ALG10: variants seen among roughly 807,000 people sequenced by gnomAD.
The protein encoded by ALG10 is ALG10 alpha-1,2-glucosyltransferase.
In ALG10, 25 loss-of-function variants were observed where a neutral mutation model predicts 39.2. The ratio of observed to expected loss-of-function variants is 0.64; its 90% CI spans 0.46 to 0.89. The LOEUF is 0.89. Among genes scored for constraint, ALG10 ranks in the 40% least tolerant of loss-of-function variants. ALG10 has a pLI of 0.00. For missense variants in ALG10, 486 were observed against 546.6 expected (o/e 0.89, Z 1.11); for synonymous variants, 184 against 193.9 (o/e 0.95, Z 0.42).
rs1942837841 is a variant in ALG10 at position 34,026,763 on chromosome 12, A to G, written c.1270A>G (p.Ile424Val). Residue 424 changes from isoleucine (I) to valine (V), a missense_variant, in exon 3 of 3, where the codon ATT becomes GTT. Ile to Val is a conservative substitution (Grantham distance 29, BLOSUM62 3). Coordinates refer to ENST00000266483, the MANE Select transcript of ALG10 (RefSeq NM_032834.4). The stretch of plus-strand genomic sequence containing the variant: ...TCGTTACTTCATTTTACCTTATGTC[A>G]TTTATAGGCTTAACATACCTCTGCC... The part of the protein sequence containing the change: ...EFRYFILPYV[I>V]YRLNIPLPPT... The G allele has an allele frequency of 2.5e-6, 4 of 1,613,794 alleles. No individual in the cohort carries two copies. Among genetic ancestry groups the G allele is most frequent in the Admixed American group, 1.7e-5 (1 of 59,976 alleles).
At chr12:34,025,776 T>C in intron 2 of ALG10, 87 bp from the exon 3 acceptor site, 1 of 1,523,874 alleles carries the variant, frequency 6.6e-7, no homozygotes, top group Non-Finnish European at 9.0e-7. Context: ...AGTTGAGTAG[T>C]TTTTAAATAA....
In ALG10 at chr12:34,022,612, G is replaced by A; in HGVS notation, c.13G>A (p.Glu5Lys). ...TGTGGGAGCTGGAATGGCGCAGCTG[G>A]AAGGTTACTATTTCTCGGCCGCCTT... The part of the protein sequence containing the change: MAQL[E>K]GYYFSAALSC... The change falls in exon 1 of 3, where the codon GAA (glutamate) becomes AAA (lysine). Residue 5 changes from glutamate to lysine, a missense_variant. Physicochemically the swap from Glu to Lys is moderately conservative, Grantham distance 56 (BLOSUM62 1). Transcript: ENST00000266483. 3 of 1,614,146 alleles carry A rather than the reference G, an allele frequency of 1.9e-6. No homozygotes were observed. Among genetic ancestry groups the A allele is most frequent in the South Asian group, 1.1e-5 (1 of 91,082 alleles).
rs779314093 is a variant in ALG10, at chr12:34,022,570, G to T, written c.-30G>T. On this transcript the variant is annotated 5_prime_UTR_variant, in exon 1 of 3. In the 5' UTR this introduces an upstream ATG that the reference lacks. Coordinates refer to ENST00000266483, the MANE Select transcript of ALG10 (RefSeq NM_032834.4). ...CCAGGCTCAGAATTTTCCAGGAGTAGGTTCTTGGGCAGTGGCTGTGGGAGC... is the reference window on the plus strand; with the variant it reads ...CCAGGCTCAGAATTTTCCAGGAGTATGTTCTTGGGCAGTGGCTGTGGGAGC... 7 of 1,613,868 alleles carry T rather than the reference G, an allele frequency of 4.3e-6. No homozygotes were observed. The African/African-American group carries it at 8.0e-5, about 18-fold the overall frequency.
In ALG10 at chr12:34,024,237, G is replaced by C. The variant is rs1942808784; in HGVS notation, c.369+78G>C. On this transcript the variant is annotated intron_variant, in intron 2 of 2. Coordinates refer to ENST00000266483, the MANE Select transcript of ALG10 (RefSeq NM_032834.4). ...ACAATGAATTAGTTTTATGAGATTT[G>C]GTGAAAAATGTCTTTAACACTTTGT... 4 of 1,526,098 alleles carry C rather than the reference G, an allele frequency of 2.6e-6. No individual in the cohort carries two copies. The African/African-American group carries it at 4.1e-5, about 16-fold the overall frequency. The allele number at this position is 1,526,098 out of a possible 1,614,324, so 94.5% of individuals were successfully genotyped here.
chr12:34,026,807 T>A lies in ALG10; in HGVS notation c.1314T>A (p.Ile438=). ...NIPLPPTSRL[I]CELSCYAVVN... ...CTCTGCCTCCCACATCCAGACTCATTTGTGAACTGAGCTGCTATGCAGTTG... is the reference window on the plus strand; with the variant it reads ...CTCTGCCTCCCACATCCAGACTCATATGTGAACTGAGCTGCTATGCAGTTG... Residue 438 remains isoleucine (I), a synonymous_variant, in exon 3 of 3, where the codon ATT becomes ATA. Coordinates refer to ENST00000266483, the MANE Select transcript of ALG10 (RefSeq NM_032834.4). The A allele has an allele frequency of 6.2e-7, 1 of 1,613,964 alleles. No individual in the cohort carries two copies. Among genetic ancestry groups the A allele is most frequent in the Non-Finnish European group, 8.5e-7 (1 of 1,179,870 alleles).
At chr12:34,022,951 T>G in intron 1 of ALG10, 181 bp downstream of exon 1, 1 of 848,106 alleles carries the variant, frequency 1.2e-6, no homozygotes, top group Non-Finnish European at 1.8e-6. Context: ...ATTAAATGAA[T>G]GAATAAACAG....
rs748976308 is a variant in ALG10, at chr12:34,026,325, G to A, written c.832G>A (p.Asp278Asn). The change falls in exon 3 of 3, where the codon GAT becomes AAT. Residue 278 changes from aspartate (D) to asparagine (N), a missense_variant. By Grantham distance (23) the Asp-to-Asn change is conservative (BLOSUM62 1). Coordinates refer to ENST00000266483, the MANE Select transcript of ALG10 (RefSeq NM_032834.4). ...AGTTAATGGTGGAATTGTTATTGGCGATCGGAGTAGTCATGAAGCCTGTCT... is the reference window on the plus strand; with the variant it reads ...AGTTAATGGTGGAATTGTTATTGGCAATCGGAGTAGTCATGAAGCCTGTCT... ...VVVNGGIVIGDRSSHEACLHF... is the reference protein window; with the variant it reads ...VVVNGGIVIGNRSSHEACLHF... 9 of 1,613,992 alleles carry A rather than the reference G, an allele frequency of 5.6e-6. No individual in the cohort carries two copies. Among genetic ancestry groups the A allele is most frequent in the South Asian group, 3.3e-5 (3 of 91,076 alleles).
chr12:34,025,436 C>G (rs946866743), intron 2 of ALG10, among the ~76,000 whole-genome samples: 5 of 152,090 alleles, frequency 3.3e-5, no homozygotes, highest in Non-Finnish European at 7.4e-5. Flanking sequence ...TGAAGGATTT[C>G]CTTAAAGGAA....
At position 34,026,464 on chromosome 12, in the gene ALG10, T is replaced by A; in HGVS notation, c.971T>A (p.Ile324Asn). 1.9e-6 allele frequency: 3 copies of A among 1,614,070 alleles called. No homozygotes were observed. Among genetic ancestry groups the A allele is most frequent in the Non-Finnish European group, 2.5e-6 (3 of 1,179,962 alleles). Residue 324 changes from isoleucine (I) to asparagine (N), a missense_variant, in exon 3 of 3, where the codon ATT (isoleucine) becomes AAT (asparagine). By Grantham distance (149) the Ile-to-Asn change is moderately radical. Transcript: ENST00000266483. ...TFLSLVWKRR[I>N]LFFVVTLVSV... ...CTTTCCTTAGTTTGGAAACGTAGAATTCTGTTTTTTGTGGTTACCTTAGTC... is the reference window on the plus strand; with the variant it reads ...CTTTCCTTAGTTTGGAAACGTAGAAATCTGTTTTTTGTGGTTACCTTAGTC...
chr12:34,022,504 C>T lies in ALG10; in HGVS notation c.-96C>T, dbSNP rs1942787529. ...TGTGGCCCCGTCTGGCTAGTCCCGCCTAGCGCGCCCATTTCGAGCCCAAGT... is the reference window on the plus strand; with the variant it reads ...TGTGGCCCCGTCTGGCTAGTCCCGCTTAGCGCGCCCATTTCGAGCCCAAGT... On this transcript the variant is annotated 5_prime_UTR_variant, in exon 1 of 3. Coordinates refer to ENST00000266483, the MANE Select transcript of ALG10 (RefSeq NM_032834.4). 6.9e-6 allele frequency: 11 copies of T among 1,602,006 alleles called. No individual in the cohort carries two copies. The highest frequency in any genetic ancestry group is 9.4e-6 in the Non-Finnish European group (11 of 1,171,408).
At position 34,027,587 on chromosome 12, in the gene ALG10, A is replaced by G. The variant is rs949751419; in HGVS notation, c.*672A>G. 6.6e-6 allele frequency: 1 copy of G among 152,466 alleles called. No individual in the cohort carries two copies. Among genetic ancestry groups the G allele is most frequent in the African/African-American group, 2.4e-5 (1 of 41,470 alleles). 9.4% of individuals were successfully genotyped at this position (152,466 alleles called of 1,614,324 possible). A position where few individuals can be genotyped will look rare whatever the true frequency, so the allele number is the denominator to read the frequency against. On this transcript the variant is annotated 3_prime_UTR_variant, in exon 3 of 3. Coordinates refer to ENST00000266483, the MANE Select transcript of ALG10 (RefSeq NM_032834.4). ...ACTAATTCCTAATATGAAATGTATG[A>G]TGGCCAAAGACAAATTGTATTGATT...
Position 34,024,331 on chromosome 12 carries a change from G to A in ALG10, c.369+172G>A, listed in dbSNP as rs1190477783. ...TCCATCTCCATTTTAGAATAAATTC[G>A]TATTTAAATACTTGAATAACTTATT... is the stretch of plus-strand genomic sequence containing the variant. On this transcript the variant is annotated intron_variant, in intron 2 of 2. Coordinates refer to ENST00000266483, the MANE Select transcript of ALG10 (RefSeq NM_032834.4). Among the ~76,000 whole-genome samples, 8 of 152,208 alleles carry A rather than the reference G, an allele frequency of 5.3e-5. No homozygotes were observed. The South Asian group carries it at 6.2e-4, about 12-fold the overall frequency.
Position 34,022,502 on chromosome 12 carries a change from G to C in ALG10, c.-98G>C. ...TATGTGGCCCCGTCTGGCTAGTCCC[G>C]CCTAGCGCGCCCATTTCGAGCCCAA... On this transcript the variant is annotated 5_prime_UTR_variant, in exon 1 of 3. Transcript: ENST00000266483. 1.3e-6 allele frequency: 2 copies of C among 1,599,062 alleles called. No homozygotes were observed. The highest frequency in any genetic ancestry group is 3.3e-5 in the Admixed American group (2 of 59,914).
intron 1 of ALG10, chr12:34,023,018 C>G (rs11053058): frequency 0.17 from 93,520 of 544,558 alleles, 8,690 homozygotes; most frequent in Non-Finnish European, 0.18. Flanking sequence ...GGAACTGAGC[C>G]CTCCTCTTGG....
chr12:34,023,807 G>A (rs3956390), intron 1 of ALG10, 155 bp from the exon 2 acceptor site: 10 of 1,043,518 alleles, frequency 9.6e-6, no homozygotes, highest in Non-Finnish European at 1.4e-5. Flanking sequence ...TAAGAAAAAC[G>A]AATCCTGTTC....
Position 34,022,694 on chromosome 12 carries a change from G to A in ALG10, c.95G>A (p.Arg32Gln). 1.2e-6 allele frequency: 2 copies of A among 1,614,062 alleles called. No homozygotes were observed. The highest frequency in any genetic ancestry group is 1.7e-6 in the Non-Finnish European group (2 of 1,179,998). Residue 32 changes from arginine (R) to glutamine (Q), a missense_variant, in exon 1 of 3, where the codon CGA becomes CAA. Physicochemically the swap from Arg to Gln is conservative, Grantham distance 43. Transcript: ENST00000266483. ...LLFSAFSRAL[R>Q]EPYMDEIFHL... ...TTCTCCGCCTTCAGCCGGGCGTTGC[G>A]AGAGCCCTACATGGACGAGATCTTC...
At chr12:34,024,608 G>A (rs73090021) in intron 2 of ALG10, among the ~76,000 whole-genome samples, 2,530 of 152,212 alleles carry the variant, frequency 0.017, 62 homozygotes, top group African/African-American at 0.052. Flanking sequence ...TTGTTACCAT[G>A]GACAGGTTAA....
At position 34,027,889 on chromosome 12, in the gene ALG10, T is replaced by C. The variant is rs538925484; in HGVS notation, c.*974T>C. On this transcript the variant is annotated 3_prime_UTR_variant, in exon 3 of 3. Transcript: ENST00000266483. The stretch of plus-strand genomic sequence containing the variant: ...CTTCTGGACAAATCTTGTCCAAGTA[T>C]TGCAGACAGCAATCTTCACTCCAGT... 9 of 152,318 alleles carry C rather than the reference T, an allele frequency of 5.9e-5. No individual in the cohort carries two copies. In the East Asian group the frequency reaches 9.7e-4, roughly 16 times the overall value. 9.4% of individuals were successfully genotyped at this position (152,318 alleles called of 1,614,324 possible). A position where few individuals can be genotyped will look rare whatever the true frequency, so the allele number is the denominator to read the frequency against.
rs909183686 is a variant in ALG10 at position 34,026,269 on chromosome 12, T to G, written c.776T>G (p.Leu259Arg). The part of the protein sequence containing the change: ...MLLLLTWPYI[L>R]LGFLFCAFVV... ...TTGCTTCTGACTTGGCCCTACATCCTTCTGGGATTTCTGTTTTGTGCTTTT... is the reference window on the plus strand; with the variant it reads ...TTGCTTCTGACTTGGCCCTACATCCGTCTGGGATTTCTGTTTTGTGCTTTT... Residue 259 changes from leucine (L) to arginine (R), a missense_variant, in exon 3 of 3, where the codon CTT becomes CGT. Physicochemically the swap from Leu to Arg is moderately radical, Grantham distance 102. Coordinates refer to ENST00000266483, the MANE Select transcript of ALG10 (RefSeq NM_032834.4). 6.2e-7 allele frequency: 1 copy of G among 1,614,144 alleles called. No homozygotes were observed. Among genetic ancestry groups the G allele is most frequent in the African/African-American group, 1.3e-5 (1 of 75,064 alleles).
Sources: allele counts gnomAD v4.1 joint callset (sites outside exome capture counted in the v4.1 genomes callset), GRCh38; gene constraint gnomAD v4.1.1; transcripts MANE v1.5; gene names NCBI Gene and HGNC (gene_info 2026-07-23, HGNC 2026-07-21).